TCAF1: variants seen among roughly 807,000 people sequenced by gnomAD.
The protein encoded by TCAF1 is TRPM8 channel associated factor 1.
A neutral mutation model predicts 27.3 loss-of-function variants in TCAF1; 4 were observed. The observed-to-expected ratio is 0.15, with a 90% CI of 0.07 to 0.34. TCAF1 has a LOEUF of 0.34. Among genes scored for constraint, TCAF1 ranks in the 10% least tolerant of loss-of-function variants. The pLI is 1.00. For missense variants in TCAF1, 257 were observed against 425.8 expected (o/e 0.60, Z 3.49); for synonymous variants, 105 against 167.1 (o/e 0.63, Z 2.87).
At chr7:143,878,452 C>T (rs1181443728) in intron 1 of TCAF1, among the ~76,000 whole-genome samples, 1 of 152,172 alleles carries the variant, frequency 6.6e-6, no homozygotes, top group African/African-American at 2.4e-5. Flanking sequence ...TGTGGGCCTT[C>T]CACAAGCCAG....
intron 1 of TCAF1, among the ~76,000 whole-genome samples, chr7:143,877,243 C>G (rs1812768002): frequency 6.6e-6 from 1 of 152,158 alleles, no homozygotes; most frequent in African/African-American, 2.4e-5. Flanking sequence ...TGATGTCTTC[C>G]TGTTATTTTA....
chr7:143,901,633 T>G (rs1187126755), intron 1 of TCAF1, among the ~76,000 whole-genome samples: 1 of 152,164 alleles, frequency 6.6e-6, no homozygotes, highest in East Asian at 1.9e-4. Flanking sequence ...CCTAGAAGAA[T>G]GCAAGCCCCC....
At chr7:143,882,901 G>C (rs1436054223) in intron 1 of TCAF1, 1 of 981,756 alleles carries the variant, frequency 1.0e-6, no homozygotes, top group Non-Finnish European at 1.2e-6. Flanking sequence ...GTTTCCACGG[G>C]AGTCCCCTCC....
chr7:143,882,660 C>G (rs922683330), intron 1 of TCAF1: 17 of 985,246 alleles, frequency 1.7e-5, no homozygotes, highest in Non-Finnish European at 1.9e-5. Flanking sequence ...TGCCCTCCCC[C>G]CCGCAGCACC....
chr7:143,870,401 A>G (rs1812399396), intron 2 of TCAF1, among the ~76,000 whole-genome samples: 2 of 151,640 alleles, frequency 1.3e-5, no homozygotes, highest in African/African-American at 4.8e-5. Context: ...ACAATTTTTG[A>G]CATGTTATGC....
At chr7:143,900,289 T>C (rs1814057245) in intron 1 of TCAF1, among the ~76,000 whole-genome samples, 1 of 152,040 alleles carries the variant, frequency 6.6e-6, no homozygotes. Flanking sequence ...TTCTAATGAA[T>C]ATAAAATGGC....
chr7:143,899,463 T>C (rs929862760), intron 1 of TCAF1, among the ~76,000 whole-genome samples: 8 of 152,222 alleles, frequency 5.3e-5, no homozygotes, highest in African/African-American at 1.9e-4. Flanking sequence ...ATTATCCATA[T>C]GGAATAAACA....
At chr7:143,885,162 T>G (rs1418848745) in intron 1 of TCAF1, 14 of 985,406 alleles carry the variant, frequency 1.4e-5, no homozygotes, top group Non-Finnish European at 1.7e-5. Context: ...TTGGTCCGTG[T>G]GCCCGGGCCT....
At chr7:143,878,282 T>C (rs772598354) in intron 1 of TCAF1, among the ~76,000 whole-genome samples, 4 of 152,362 alleles carry the variant, frequency 2.6e-5, no homozygotes, top group Admixed American at 6.5e-5. Context: ...TAACCTAACA[T>C]AGATTTTACA....
Position 143,851,682 on chromosome 7 carries a change from C to T in TCAF1, c.*2451G>A, listed in dbSNP as rs1174583168. On this transcript the variant is annotated 3_prime_UTR_variant, in exon 9 of 9. Transcript: ENST00000479870. Reference sequence around the variant, plus strand: ...TACACTATCGCCACTTTCCTTTGTCCATCTCTCTCCAAATGTCTGATAGTT... The same window carrying T: ...TACACTATCGCCACTTTCCTTTGTCTATCTCTCTCCAAATGTCTGATAGTT... The T allele has an allele frequency of 6.6e-6, 1 of 152,068 alleles. No homozygotes were observed. Among genetic ancestry groups the T allele is most frequent in the Non-Finnish European group, 1.5e-5 (1 of 68,018 alleles). 9.4% of individuals were successfully genotyped at this position (152,068 alleles called of 1,614,324 possible).
At chr7:143,889,634 C>A (rs982995313) in intron 1 of TCAF1, among the ~76,000 whole-genome samples, 4 of 152,162 alleles carry the variant, frequency 2.6e-5, no homozygotes, top group Non-Finnish European at 4.4e-5. Context: ...TACCAAGAGG[C>A]AGAAGTGGTC....
chr7:143,880,128 TTAG>T (rs1002671296), intron 1 of TCAF1, among the ~76,000 whole-genome samples: 2 of 152,242 alleles, frequency 1.3e-5, no homozygotes, highest in Non-Finnish European at 2.9e-5. Flanking sequence ...GTAATTATTA[TTAG>T]TAGTAGTAAC....
rs185386831 is a variant in TCAF1 at position 143,889,831 on chromosome 7, C to T, written c.-15+12130G>A. ...AAACACCCAGGAAAGCTTCACCAGA[C>T]AGTCCTCCTCCACGATGGCAATGAC... On this transcript the variant is annotated intron_variant, in intron 1 of 8. Transcript: ENST00000479870. Among the ~76,000 whole-genome samples, 369 of 152,288 alleles carry T rather than the reference C, an allele frequency of 2.4e-3. 4 individuals are homozygous for T. The highest frequency in any genetic ancestry group is 8.7e-3 in the African/African-American group (361 of 41,554).
chr7:143,875,982 TACTC>T lies in TCAF1; in HGVS notation c.620+3_620+6del. 2 of 1,538,736 alleles carry T rather than the reference TACTC, an allele frequency of 1.3e-6. No individual in the cohort carries two copies. Among genetic ancestry groups the T allele is most frequent in the Non-Finnish European group, 8.8e-7 (1 of 1,142,590 alleles). Reference sequence around the variant, plus strand: ...GAGCCAACTCCCCAGTGGGGTAACATACTCACCTAACCAACACTGGGATCTTGGG... The same window carrying T: ...GAGCCAACTCCCCAGTGGGGTAACATACCTAACCAACACTGGGATCTTGGG... On this transcript the variant is annotated splice_donor_5th_base_variant and intron_variant, in intron 2 of 8. Transcript: ENST00000479870.
chr7:143,899,368 T>C (rs780265098), intron 1 of TCAF1, among the ~76,000 whole-genome samples: 1 of 152,048 alleles, frequency 6.6e-6, no homozygotes, highest in Non-Finnish European at 1.5e-5. Flanking sequence ...GTTAGACAAA[T>C]AGAAAATAAG....
At chr7:143,865,007 C>T (rs1812105849) in intron 2 of TCAF1, among the ~76,000 whole-genome samples, 1 of 151,166 alleles carries the variant, frequency 6.6e-6, no homozygotes, top group South Asian at 2.1e-4. Context: ...ATTCAAGCAA[C>T]ATTTTGGATA....
chr7:143,882,501 G>C, intron 1 of TCAF1: 2 of 985,344 alleles, frequency 2.0e-6, no homozygotes, highest in Non-Finnish European at 2.4e-6. Context: ...AATGCGGCAG[G>C]GGGATGCGGG....
At chr7:143,890,631 A>G (rs1336345798) in intron 1 of TCAF1, among the ~76,000 whole-genome samples, 1 of 152,208 alleles carries the variant, frequency 6.6e-6, no homozygotes, top group African/African-American at 2.4e-5. Context: ...ACAGGACATG[A>G]GTTGTATATT....
intron 1 of TCAF1, among the ~76,000 whole-genome samples, chr7:143,888,205 A>G (rs1813503324): frequency 6.6e-6 from 1 of 152,236 alleles, no homozygotes; most frequent in African/African-American, 2.4e-5. Flanking sequence ...AATATTATAA[A>G]TTCATCAATG....
Sources: allele counts gnomAD v4.1 joint callset (sites outside exome capture counted in the v4.1 genomes callset), GRCh38; gene constraint gnomAD v4.1.1; transcripts MANE v1.5; gene names NCBI Gene and HGNC (gene_info 2026-07-23, HGNC 2026-07-21).